The following CLUH variants were observed in gnomAD, a reference collection of about 807,000 sequenced individuals.
CLUH encodes the protein clustered mitochondria protein homolog.
CLUH carries 77 observed loss-of-function variants against 139.3 expected under a neutral mutation model. The observed-to-expected ratio is 0.55, with a 90% confidence interval of 0.46 to 0.67. The LOEUF is 0.67. CLUH is among the 30% of genes least tolerant of loss of function. The pLI is 0.00. For missense variants in CLUH, 1,876 were observed against 1,875.8 expected (o/e 1.00, Z 0.00); for synonymous variants, 999 against 801.6 (o/e 1.25, Z -4.16).
chr17:2,708,102 G>T, intron 1 of CLUH: 1 of 641,438 alleles, frequency 1.6e-6, no homozygotes, highest in Non-Finnish European at 1.9e-6. Flanking sequence ...TGGCCAGGGC[G>T]CCTTCCCAGG....
At chr17:2,691,548 G>A (rs886578628) in intron 25 of CLUH, 61 bp downstream of exon 25, 46 of 1,528,124 alleles carry the variant, frequency 3.0e-5, no homozygotes, top group East Asian at 1.2e-4. Context: ...GTGACAGGGC[G>A]AGACTCCGAC....
rs762802291 is a variant in CLUH at position 2,692,821 on chromosome 17, G to T, written c.3271C>A (p.Arg1091=). The T allele has an allele frequency of 1.2e-6, 2 of 1,603,892 alleles. No homozygotes were observed. The highest frequency in any genetic ancestry group is 1.7e-5 in the Admixed American group (1 of 59,334). The part of the protein sequence containing the change: ...NQQKAVLMSE[R]VMGTEHPNTI... ...TTGGGGTGCTCGGTGCCCATCACCC[G>T]CTCGCTCATCAGCACCGCCTTCTGC... Residue 1091 remains arginine (R), a synonymous_variant, in exon 20 of 26, where the codon CGG becomes AGG. Transcript: ENST00000651024.
chr17:2,695,782 C>G, intron 13 of CLUH: 1 of 594,848 alleles, frequency 1.7e-6, no homozygotes, highest in Non-Finnish European at 2.9e-6. Flanking sequence ...ACTTGACCCC[C>G]AGCCCCGTGT....
chr17:2,700,646 G>C (rs1567591591), intron 8 of CLUH, 32 bp downstream of exon 8: 2 of 1,516,536 alleles, frequency 1.3e-6, no homozygotes, highest in Non-Finnish European at 1.8e-6. Context: ...GGGCAGGGGT[G>C]CCCAGCGAGG....
rs894788707 is a variant in CLUH, at chr17:2,692,625, G to A, written c.3384C>T (p.Arg1128=). The A allele has an allele frequency of 3.1e-6, 5 of 1,612,846 alleles. No homozygotes were observed. The highest frequency in any genetic ancestry group is 2.2e-5 in the East Asian group (1 of 44,880). Residue 1128 remains arginine, a synonymous_variant, in exon 21 of 26, where the codon CGC becomes CGT. Transcript: ENST00000651024. ...STALSLLYRA[R]YLMLLVFGED... The stretch of plus-strand genomic sequence containing the variant: ...CCCCGAACACCAGCAGCATGAGGTA[G>A]CGGGCGCGGTACAGCAGGCTCAGGG...
intron 19 of CLUH, among the ~76,000 whole-genome samples, chr17:2,693,289 G>A (rs944070403): frequency 7.9e-5 from 12 of 152,032 alleles, no homozygotes; most frequent in African/African-American, 2.7e-4. Flanking sequence ...CCAGCTACTC[G>A]GGAGGCTGAG....
Position 2,707,143 on chromosome 17 carries a change from C to G in CLUH, c.101-2579G>C, listed in dbSNP as rs2070374817. 1.0e-6 allele frequency: 1 copy of G among 982,630 alleles called. No homozygotes were observed. Among genetic ancestry groups the G allele is most frequent in the Non-Finnish European group, 1.2e-6 (1 of 827,338 alleles). 60.9% of individuals were successfully genotyped at this position (982,630 alleles called of 1,614,324 possible). On this transcript the variant is annotated intron_variant, in intron 1 of 25. Transcript: ENST00000651024. The surrounding 1 kb of genome is among the most constrained non-coding windows in gnomAD (Gnocchi z 7.4). ...GCTGAGCGATCTCCCCCGCAGGCAG[C>G]TGGCTGGCTCACCAGGTCCCGGTGC...
chr17:2,698,208 A>C lies in CLUH; in HGVS notation c.1649T>G (p.Val550Gly). The change falls in exon 10 of 26, where the codon GTG becomes GGG. Residue 550 changes from valine (V) to glycine (G), a missense_variant. This residue lies in a region of CLUH where 1,454 missense variants were observed against 1,384.4 expected (regional missense o/e 1.05). Transcript: ENST00000651024. ...CAGCTCCAGGTACCGCGGGTGTGAC[A>C]CCACGGTCTTGCCGAAGTCGATGGA... is the stretch of plus-strand genomic sequence containing the variant. Reference protein sequence around the residue: ...YGSIDFGKTVVSHPRYLELLE... With the variant: ...YGSIDFGKTVGSHPRYLELLE... The C allele has an allele frequency of 6.3e-7, 1 of 1,580,778 alleles. No individual in the cohort carries two copies. The highest frequency in any genetic ancestry group is 8.6e-7 in the Non-Finnish European group (1 of 1,164,360).
intron 5 of CLUH, 38 bp downstream of exon 5, chr17:2,701,575 C>A (rs759826753): frequency 6.2e-7 from 1 of 1,610,622 alleles, no homozygotes; most frequent in Non-Finnish European, 8.5e-7. Context: ...GCCTCCACCC[C>A]GCCAGGGACC....
intron 10 of CLUH, 78 bp from the exon 11 acceptor site, chr17:2,697,020 C>G (rs1274363825): frequency 1.7e-6 from 2 of 1,179,496 alleles, no homozygotes; most frequent in African/African-American, 3.1e-5. Flanking sequence ...CTCCCGGCAG[C>G]TGGGGCTCCA....
rs1239497692 is a variant in CLUH, at chr17:2,690,719, C to T, written c.3922G>A (p.Ala1308Thr). Residue 1308 changes from alanine (A) to threonine (T), a missense_variant, in exon 26 of 26, where the codon GCC becomes ACC. Transcript: ENST00000651024. ...EVARRHQLQE[A>T]SRNRDRAEEP... ...TCGGCTCTATCCCTGTTTCTGCTGG[C>T]CTCCTGGAGCTGGTGCCGCCGCGCC... 5 of 1,558,782 alleles carry T rather than the reference C, an allele frequency of 3.2e-6. No individual in the cohort carries two copies. The South Asian group carries it at 6.0e-5, about 19-fold the overall frequency.
Position 2,690,413 on chromosome 17 carries a change from G to A in CLUH, c.*181C>T, listed in dbSNP as rs2069574516. Reference sequence around the variant, plus strand: ...TGCATCATCTATTCATTGAACCAGCGCAAAAACACCTTCTGCGGGGCAGGC... The same window carrying A: ...TGCATCATCTATTCATTGAACCAGCACAAAAACACCTTCTGCGGGGCAGGC... On this transcript the variant is annotated 3_prime_UTR_variant, in exon 26 of 26. Coordinates refer to ENST00000651024, the MANE Select transcript of CLUH (RefSeq NM_001366661.1). 1.1e-5 allele frequency: 5 copies of A among 471,916 alleles called. No individual in the cohort carries two copies. Among genetic ancestry groups the A allele is most frequent in the Non-Finnish European group, 1.4e-5 (4 of 276,746 alleles). The allele number at this position is 471,916 out of a possible 1,614,324, so 29.2% of individuals were successfully genotyped here.
In CLUH at chr17:2,704,617, C is replaced by T; in HGVS notation, c.101-53G>A. On this transcript the variant is annotated intron_variant, in intron 1 of 25. Coordinates refer to ENST00000651024, the MANE Select transcript of CLUH (RefSeq NM_001366661.1). The surrounding 1 kb of genome is among the most constrained non-coding windows in gnomAD (Gnocchi z 5.7). ...CAGGCAGCCTCGCTGGTCGGCGGGG[C>T]TGTCCGCCTGACCCCACACGGGGAC... 2.7e-6 allele frequency: 4 copies of T among 1,475,736 alleles called. No homozygotes were observed. The highest frequency in any genetic ancestry group is 3.6e-6 in the Non-Finnish European group (4 of 1,103,122). The allele number at this position is 1,475,736 out of a possible 1,614,324, so 91.4% of individuals were successfully genotyped here. A position where few individuals can be genotyped will look rare whatever the true frequency, so the allele number is the denominator to read the frequency against.
rs912401598 is a variant in CLUH at position 2,706,125 on chromosome 17, G to A, written c.101-1561C>T. Among the ~76,000 whole-genome samples the A allele has an allele frequency of 1.3e-5, 2 of 152,008 alleles. No homozygotes were observed. The highest frequency in any genetic ancestry group is 2.4e-5 in the African/African-American group (1 of 41,390). On this transcript the variant is annotated intron_variant, in intron 1 of 25. Coordinates refer to ENST00000651024, the MANE Select transcript of CLUH (RefSeq NM_001366661.1). This position sits in a 1 kb window ranked among gnomAD's most constrained non-coding sequence, Gnocchi z 4.6. The stretch of plus-strand genomic sequence containing the variant: ...AGACCCCACCTCCCCTTCCCCACCC[G>A]GCTCTCAGGAGCGGGGACAGGTGCC...
Position 2,706,656 on chromosome 17 carries a change from C to T in CLUH, c.101-2092G>A, listed in dbSNP as rs2070358330. On this transcript the variant is annotated intron_variant, in intron 1 of 25. Transcript: ENST00000651024. This position sits in a 1 kb window ranked among gnomAD's most constrained non-coding sequence, Gnocchi z 4.6. Reference sequence around the variant, plus strand: ...CACCTGCCTGACTCTAGTGACAGAGCAGAAAGACAGCCGGGGCGGTGGTCG... The same window carrying T: ...CACCTGCCTGACTCTAGTGACAGAGTAGAAAGACAGCCGGGGCGGTGGTCG... 6.6e-6 allele frequency among the ~76,000 whole-genome samples: 1 copy of T among 152,154 alleles called. No homozygotes were observed. Among genetic ancestry groups the T allele is most frequent in the Non-Finnish European group, 1.5e-5 (1 of 68,026 alleles).
Position 2,696,241 on chromosome 17 carries a change from G to C in CLUH, c.2309C>G (p.Ser770Cys). The C allele has an allele frequency of 3.8e-6, 6 of 1,574,644 alleles. No homozygotes were observed. Among genetic ancestry groups the C allele is most frequent in the Non-Finnish European group, 5.2e-6 (6 of 1,160,682 alleles). Residue 770 changes from serine (S) to cysteine (C), a missense_variant, in exon 13 of 26, where the codon TCC becomes TGC. Physicochemically the swap from Ser to Cys is moderately radical, Grantham distance 112. Coordinates refer to ENST00000651024, the MANE Select transcript of CLUH (RefSeq NM_001366661.1). ...IFSPGVRFPE[S>C]CQDEVRDQKQ... ...CTGGTCCCGAACTTCATCCTGGCAG[G>C]ACTCAGGGAAACGAACCCCTGGAGG...
rs760671576 is a variant in CLUH, at chr17:2,703,509, C to T, written c.304-20G>A. ...GGACACCTGCAGGGAGAAGGCCCCG[C>T]CCACCCCGGTGAGAGAGCACGTAGC... On this transcript the variant is annotated intron_variant, in intron 2 of 25. Coordinates refer to ENST00000651024, the MANE Select transcript of CLUH (RefSeq NM_001366661.1). The surrounding 1 kb of genome is among the most constrained non-coding windows in gnomAD (Gnocchi z 4.2). The T allele has an allele frequency of 9.3e-6, 15 of 1,608,808 alleles. No individual in the cohort carries two copies. The highest frequency in any genetic ancestry group is 1.2e-5 in the Non-Finnish European group (14 of 1,177,070).
rs1399026578 is a variant in CLUH at position 2,696,264 on chromosome 17, A to C, written c.2291-5T>G. 1 of 1,567,384 alleles carries C rather than the reference A, an allele frequency of 6.4e-7. No individual in the cohort carries two copies. The highest frequency in any genetic ancestry group is 1.4e-5 in the African/African-American group (1 of 73,848). On this transcript the variant is annotated splice_region_variant and splice_polypyrimidine_tract_variant and intron_variant, in intron 12 of 25. Transcript: ENST00000651024. ...AGGACTCAGGGAAACGAACCCCTGG[A>C]GGAGGGAGAGCAGAGAGGCTGAGCC...
chr17:2,701,473 G>A lies in CLUH; in HGVS notation c.792C>T (p.Pro264=). Residue 264 remains proline, a synonymous_variant, in exon 6 of 26, where the codon CCC becomes CCT. Coordinates refer to ENST00000651024, the MANE Select transcript of CLUH (RefSeq NM_001366661.1). ...KVLTMSGWNP[P]PGNRKMHGDL... ...CCCCGTGCATCTTCCGGTTCCCCGG[G>A]GGCGGGTTCCATCCGCTCATGGTGA... 6.2e-7 allele frequency: 1 copy of A among 1,613,848 alleles called. No individual in the cohort carries two copies. The highest frequency in any genetic ancestry group is 1.1e-5 in the South Asian group (1 of 91,072).
Sources: gnomAD v4.1 joint callset for allele counts (sites outside exome capture counted in the v4.1 genomes callset) on GRCh38, gnomAD v4.1.1 for gene constraint, gnomAD v4.1.1 regional missense constraint, Gnocchi (gnomAD v3.1) non-coding constraint, MANE v1.5 for transcripts, NCBI Gene and HGNC (gene_info 2026-07-23, HGNC 2026-07-21) for gene names.